Variants in ZFAT observed in about 807,000 individuals in gnomAD.
The protein encoded by ZFAT is zinc finger protein ZFAT.
In ZFAT, 64 loss-of-function variants were observed where a neutral mutation model predicts 117.7. The ratio of observed to expected loss-of-function variants is 0.54; its 90% confidence interval spans 0.44 to 0.67. The LOEUF is 0.67. Among genes scored for constraint, ZFAT ranks in the 30% least tolerant of loss-of-function variants. ZFAT has a pLI of 0.00. For missense variants in ZFAT, 1,433 were observed against 1,584.5 expected, an observed-to-expected ratio of 0.90 and a Z score of 1.62; for synonymous variants, 679 against 615.0, an observed-to-expected ratio of 1.10 and a Z score of -1.54.
chr8:134,831,689 G>C, the ZFAT span, among the ~76,000 whole-genome samples: 1 of 151,816 alleles, frequency 6.6e-6, no homozygotes, highest in Non-Finnish European at 1.5e-5. Context: ...CACGAGCCCC[G>C]GGGAGGGGCC....
chr8:134,714,293 G>A (rs1307349978), upstream of ZFAT, among the ~76,000 whole-genome samples: 4 of 152,068 alleles, frequency 2.6e-5, no homozygotes, highest in Non-Finnish European at 5.9e-5. Context: ...CACACTTCAT[G>A]TTCCCACAGC....
the ZFAT span, among the ~76,000 whole-genome samples, chr8:134,751,896 C>T: frequency 5.3e-5 from 8 of 152,312 alleles, no homozygotes; most frequent in Admixed American, 1.3e-4. Flanking sequence ...CCATTTCCCT[C>T]GATACACTAT....
At chr8:134,830,672 C>T in the ZFAT span, among the ~76,000 whole-genome samples, 1 of 152,178 alleles carries the variant, frequency 6.6e-6, no homozygotes, top group Non-Finnish European at 1.5e-5. Context: ...CTTTCACAAA[C>T]CAGGAAGTTT....
the ZFAT span, among the ~76,000 whole-genome samples, chr8:134,757,609 A>T: frequency 6.6e-6 from 1 of 152,144 alleles, no homozygotes; most frequent in Non-Finnish European, 1.5e-5. Context: ...GTCTCCTGGT[A>T]TACTTCCGGC....
intron 13 of ZFAT, among the ~76,000 whole-genome samples, chr8:134,515,571 C>CT (rs1820195634): frequency 6.6e-6 from 1 of 152,168 alleles, no homozygotes; most frequent in Admixed American, 6.5e-5. Context: ...TGATGATGAG[C>CT]TTTTTTTCAT....
At chr8:134,683,171 T>C (rs1833151892) in intron 1 of ZFAT, among the ~76,000 whole-genome samples, 1 of 152,178 alleles carries the variant, frequency 6.6e-6, no homozygotes, top group African/African-American at 2.4e-5. Flanking sequence ...CTTGGGGGCA[T>C]GGAGGATACA....
chr8:134,740,592 T>C, the ZFAT span, among the ~76,000 whole-genome samples: 1 of 152,184 alleles, frequency 6.6e-6, no homozygotes, highest in Non-Finnish European at 1.5e-5. Flanking sequence ...GCAAAATAAG[T>C]GGTGCTTTGT....
chr8:134,691,929 T>C (rs1475474488), intron 1 of ZFAT, among the ~76,000 whole-genome samples: 1 of 152,218 alleles, frequency 6.6e-6, no homozygotes, highest in Non-Finnish European at 1.5e-5. Context: ...CTGAGAATAA[T>C]CTGAACTAAC....
At chr8:134,705,379 T>TG (rs1391262731) in intron 1 of ZFAT, among the ~76,000 whole-genome samples, 7 of 148,226 alleles carry the variant, frequency 4.7e-5, no homozygotes, top group Non-Finnish European at 9.0e-5. Flanking sequence ...TTTTTTTTGT[T>TG]TTTTTTTTTT....
chr8:134,616,457 G>T lies in ZFAT; in HGVS notation c.449-5802C>A, dbSNP rs567420675. Among the ~76,000 whole-genome samples, 15 of 152,170 alleles carry T rather than the reference G, an allele frequency of 9.9e-5. No homozygotes were observed. In the East Asian group the frequency reaches 2.9e-3, roughly 29 times the overall value. On this transcript the variant is annotated intron_variant, in intron 3 of 15. Coordinates refer to ENST00000377838, the MANE Select transcript of ZFAT (RefSeq NM_020863.4). ...TGCGTTTTGTCCCCTGAAATGCCTC[G>T]AGGACCCGACCTAGAAGTCATGCTG...
the ZFAT span, among the ~76,000 whole-genome samples, chr8:134,801,203 T>A: frequency 6.6e-6 from 1 of 152,030 alleles, no homozygotes; most frequent in Non-Finnish European, 1.5e-5. Context: ...CATTCAGAAT[T>A]CAGATAATTT....
intron 13 of ZFAT, among the ~76,000 whole-genome samples, chr8:134,517,118 C>A (rs974342845): frequency 6.6e-6 from 1 of 152,112 alleles, no homozygotes; most frequent in Non-Finnish European, 1.5e-5. Context: ...GTTTGTTTTG[C>A]CCTTAGGTTA....
At chr8:134,702,665 CT>C (rs555992709) in intron 1 of ZFAT, among the ~76,000 whole-genome samples, 5,582 of 143,902 alleles carry the variant, frequency 0.039, 293 homozygotes, top group African/African-American at 0.13. Flanking sequence ...ATCTCTATTT[CT>C]TTTTTTTTTT....
chr8:134,818,752 T>A, the ZFAT span, among the ~76,000 whole-genome samples: 1 of 152,354 alleles, frequency 6.6e-6, no homozygotes, highest in South Asian at 2.1e-4. Context: ...TACAATGGAA[T>A]ACTACTTACC....
the ZFAT span, among the ~76,000 whole-genome samples, chr8:134,720,054 G>A: frequency 2.6e-5 from 4 of 152,330 alleles, no homozygotes; most frequent in African/African-American, 4.8e-5. Flanking sequence ...TTGGAACGCC[G>A]CCTCTGGAAG....
chr8:134,821,527 A>T, the ZFAT span, among the ~76,000 whole-genome samples: 1 of 151,906 alleles, frequency 6.6e-6, no homozygotes, highest in Non-Finnish European at 1.5e-5. Flanking sequence ...AGGTCTGTAA[A>T]CCATGTCACA....
In ZFAT at chr8:134,657,653, T is replaced by C; in HGVS notation, c.104A>G (p.His35Arg). 6.2e-7 allele frequency: 1 copy of C among 1,614,174 alleles called. No homozygotes were observed. Among genetic ancestry groups the C allele is most frequent in the Non-Finnish European group, 8.5e-7 (1 of 1,180,028 alleles). ...ATCAACATTAACCCCTTCTTCCATG[T>C]GCTTCTCTGAAACGTGGGAGAGGAG... ...SELLSHVSEK[H>R]MEEGVNVDEI... The change falls in exon 2 of 16, where the codon CAC becomes CGC. Residue 35 changes from histidine (H) to arginine (R), a missense_variant. Physicochemically the swap from His to Arg is conservative, Grantham distance 29. Transcript: ENST00000377838.
At chr8:134,755,562 C>T in the ZFAT span, among the ~76,000 whole-genome samples, 8 of 150,192 alleles carry the variant, frequency 5.3e-5, no homozygotes, top group South Asian at 4.2e-4. Context: ...CTGTAATCCC[C>T]GCACTGTGGG....
chr8:134,562,722 G>A (rs763158721), intron 11 of ZFAT, among the ~76,000 whole-genome samples: 41 of 152,080 alleles, frequency 2.7e-4, no homozygotes, highest in Admixed American at 7.2e-4. Context: ...GCCCAGCACC[G>A]GACACCAACT....
Sources: gnomAD v4.1 joint callset for allele counts (sites outside exome capture counted in the v4.1 genomes callset) on GRCh38, gnomAD v4.1.1 for gene constraint, MANE v1.5 for transcripts, NCBI Gene and HGNC (gene_info 2026-07-23, HGNC 2026-07-21) for gene names.